TNNI3K: variants seen among roughly 807,000 people sequenced by gnomAD.
TNNI3K encodes the protein TNNI3 interacting kinase.
Under a neutral mutation model 114.5 loss-of-function variants are expected in TNNI3K, and 140 were observed. That is an observed-to-expected ratio of 1.22 (90% CI 1.07 to 1.41). The LOEUF (loss-of-function observed/expected upper bound fraction) is 1.41. Ranked by LOEUF, TNNI3K falls within the 40% of genes most tolerant of loss-of-function variation. The pLI is 0.00. For missense variants in TNNI3K, 1,125 were observed against 1,007.6 expected (o/e 1.12, Z -1.58); for synonymous variants, 347 against 347.5 (o/e 1.00, Z 0.02).
Position 74,544,015 on chromosome 1 carries a change from TC to T in TNNI3K, c.*37del, listed in dbSNP as rs768523365. The T allele has an allele frequency of 9.4e-6, 15 of 1,596,726 alleles. No homozygotes were observed. The African/African-American group carries it at 1.6e-4, about 17-fold the overall frequency. Reference sequence around the variant, plus strand: ...CGGCGTATACCTAAGGAGAGTTTTTTCCCCGAACTGACAGCAACGATTCCAA... The same window carrying T: ...CGGCGTATACCTAAGGAGAGTTTTTTCCCGAACTGACAGCAACGATTCCAA... On this transcript the variant is annotated 3_prime_UTR_variant, in exon 25 of 25. Coordinates refer to ENST00000326637, the MANE Select transcript of TNNI3K (RefSeq NM_015978.3).
At chr1:74,497,162 G>A (rs771896475) in intron 23 of TNNI3K, among the ~76,000 whole-genome samples, 2 of 152,060 alleles carry the variant, frequency 1.3e-5, no homozygotes, top group Non-Finnish European at 2.9e-5. Context: ...GTTTTTCTGG[G>A]TTACAACAAT....
intron 17 of TNNI3K, among the ~76,000 whole-genome samples, chr1:74,415,975 G>T (rs1472446250): frequency 6.6e-6 from 1 of 152,232 alleles, no homozygotes; most frequent in South Asian, 2.1e-4. Context: ...TGGACACAAA[G>T]AACAGAAAGA....
chr1:74,517,270 G>T (rs1189952613), intron 23 of TNNI3K, among the ~76,000 whole-genome samples: 1 of 152,140 alleles, frequency 6.6e-6, no homozygotes, highest in Non-Finnish European at 1.5e-5. Context: ...ATTCTGTCAG[G>T]TCAGATAGTA....
At chr1:74,483,398 T>C in intron 21 of TNNI3K, 1 of 715,574 alleles carries the variant, frequency 1.4e-6, no homozygotes, top group East Asian at 2.7e-5. Flanking sequence ...TAGAGGGCAA[T>C]GTATATCATA....
At chr1:74,253,745 G>A (rs575817237) in intron 4 of TNNI3K, among the ~76,000 whole-genome samples, 10 of 151,970 alleles carry the variant, frequency 6.6e-5, no homozygotes, top group African/African-American at 2.2e-4. Flanking sequence ...ACACCTCCCC[G>A]CAGGCCGAGG....
intron 23 of TNNI3K, among the ~76,000 whole-genome samples, chr1:74,512,176 C>T (rs1391826639): frequency 6.6e-6 from 1 of 152,238 alleles, no homozygotes; most frequent in African/African-American, 2.4e-5. Flanking sequence ...CTGTGAGGGA[C>T]CATAAAGGGG....
intron 7 of TNNI3K, among the ~76,000 whole-genome samples, chr1:74,340,992 C>T (rs374633693): frequency 3.3e-4 from 50 of 152,102 alleles, no homozygotes; most frequent in Non-Finnish European, 6.0e-4. Context: ...TAAAGATTTC[C>T]CTTTGGCTTA....
At chr1:74,397,275 G>A (rs1266556720) in intron 17 of TNNI3K, among the ~76,000 whole-genome samples, 3 of 152,022 alleles carry the variant, frequency 2.0e-5, no homozygotes, top group Non-Finnish European at 4.4e-5. Flanking sequence ...ATACACAGAA[G>A]GTGAGACTGG....
At position 74,488,348 on chromosome 1, in the gene TNNI3K, G is replaced by A. The variant is rs375608805; in HGVS notation, c.2122-841G>A. On this transcript the variant is annotated intron_variant, in intron 21 of 24. Coordinates refer to ENST00000326637, the MANE Select transcript of TNNI3K (RefSeq NM_015978.3). ...TATAAGGGAAGCAGTGTTCTCAGGG[G>A]TGGGCTAGATAGTAAGGGAGAAATT... is the stretch of plus-strand genomic sequence containing the variant. 5.3e-5 allele frequency among the ~76,000 whole-genome samples: 8 copies of A among 152,256 alleles called. No individual in the cohort carries two copies. The East Asian group carries it at 1.5e-3, about 29-fold the overall frequency.
chr1:74,448,481 C>T (rs1050165099), intron 20 of TNNI3K, among the ~76,000 whole-genome samples: 1 of 145,156 alleles, frequency 6.9e-6, no homozygotes, highest in Non-Finnish European at 1.5e-5. Flanking sequence ...TTGCCCTGGC[C>T]AGAACTTCCA....
chr1:74,325,186 AC>A (rs1659831557), intron 5 of TNNI3K, among the ~76,000 whole-genome samples: 1 of 152,166 alleles, frequency 6.6e-6, no homozygotes, highest in African/African-American at 2.4e-5. Flanking sequence ...AATGTTACTT[AC>A]CCACAGACTG....
At position 74,439,539 on chromosome 1, in the gene TNNI3K, C is replaced by G; in HGVS notation, c.1928C>G (p.Thr643Ser). Residue 643 changes from threonine to serine, a missense_variant, in exon 20 of 25, where the codon ACC becomes AGC. Transcript: ENST00000326637. Reference sequence around the variant, plus strand: ...GTGTTCACGCAGTGCACTCGGTACACCATCAAAGCAGATGTCTTCAGCTAT... The same window carrying G: ...GTGTTCACGCAGTGCACTCGGTACAGCATCAAAGCAGATGTCTTCAGCTAT... The part of the protein sequence containing the change: ...PEVFTQCTRY[T>S]IKADVFSYAL... The G allele has an allele frequency of 6.2e-7, 1 of 1,613,486 alleles. No individual in the cohort carries two copies. Among genetic ancestry groups the G allele is most frequent in the South Asian group, 1.1e-5 (1 of 91,068 alleles).
intron 21 of TNNI3K, chr1:74,480,973 G>A (rs1220953633): frequency 2.9e-6 from 2 of 701,110 alleles, no homozygotes; most frequent in Non-Finnish European, 5.3e-6. Context: ...GGGCTGCTGT[G>A]GGGAAAAAAG....
intron 4 of TNNI3K, among the ~76,000 whole-genome samples, chr1:74,260,613 T>C (rs1655605281): frequency 6.6e-6 from 1 of 152,166 alleles, no homozygotes; most frequent in Non-Finnish European, 1.5e-5. Context: ...TAATACTTAA[T>C]AAAAATTAAC....
intron 11 of TNNI3K, among the ~76,000 whole-genome samples, chr1:74,358,020 C>T (rs1439309631): frequency 1.3e-5 from 2 of 152,178 alleles, no homozygotes; most frequent in Admixed American, 6.6e-5. Flanking sequence ...ATGAAACTGC[C>T]GAATTGAAAA....
At chr1:74,250,631 T>G in intron 3 of TNNI3K, 41 bp from the exon 4 acceptor site, 1 of 1,586,412 alleles carries the variant, frequency 6.3e-7, no homozygotes. Flanking sequence ...ACTCACCCCA[T>G]CCCCACAATG....
chr1:74,369,551 G>A lies in TNNI3K; in HGVS notation c.1633G>A (p.Gly545Ser), dbSNP rs548476603. The change falls in exon 16 of 25, where the codon GGT (glycine) becomes AGT (serine). Residue 545 changes from glycine (G) to serine (S), a missense_variant. Coordinates refer to ENST00000326637, the MANE Select transcript of TNNI3K (RefSeq NM_015978.3). Reference sequence around the variant, plus strand: ...CATTGTCACTCAATACATATCAGGGGGTTCTCTGTTCTCCCTCCTTCATGA... The same window carrying A: ...CATTGTCACTCAATACATATCAGGGAGTTCTCTGTTCTCCCTCCTTCATGA... The part of the protein sequence containing the change: ...FAIVTQYISG[G>S]SLFSLLHEQK... 1.2e-6 allele frequency: 2 copies of A among 1,611,122 alleles called. No homozygotes were observed. The highest frequency in any genetic ancestry group is 2.2e-5 in the East Asian group (1 of 44,792).
chr1:74,281,334 A>ATTGTGTG (rs1657000849), intron 5 of TNNI3K, among the ~76,000 whole-genome samples: 1 of 147,940 alleles, frequency 6.8e-6, no homozygotes, highest in Non-Finnish European at 1.5e-5. Flanking sequence ...ACAATAATAG[A>ATTGTGTG]TGTGTGTGTG....
intron 23 of TNNI3K, among the ~76,000 whole-genome samples, chr1:74,510,401 A>G (rs1570721456): frequency 6.6e-6 from 1 of 152,064 alleles, no homozygotes; most frequent in Non-Finnish European, 1.5e-5. Context: ...CCAGCTACTC[A>G]GGAGGCTGAG....
Sources: allele counts gnomAD v4.1 joint callset (sites outside exome capture counted in the v4.1 genomes callset), GRCh38; gene constraint gnomAD v4.1.1; transcripts MANE v1.5; gene names NCBI Gene and HGNC (gene_info 2026-07-23, HGNC 2026-07-21).